Variants in NTM observed in about 807,000 individuals in gnomAD.
NTM encodes the protein neurotrimin.
NTM carries 13 observed loss-of-function variants against 42.1 expected under a neutral mutation model. The observed-to-expected ratio is 0.31, with a 90% confidence interval of 0.20 to 0.49. NTM has a LOEUF of 0.49. Among genes scored for constraint, NTM ranks in the 20% least tolerant of loss-of-function variants. The pLI is 0.99. For synonymous variants in NTM, 187 were observed against 179.2 expected, an observed-to-expected ratio of 1.04 and a Z score of -0.35; for missense variants, 373 against 452.8, an observed-to-expected ratio of 0.82 and a Z score of 1.60.
intron 1 of NTM, among the ~76,000 whole-genome samples, chr11:131,737,982 G>A (rs1417126387): frequency 3.9e-5 from 6 of 152,278 alleles, no homozygotes; most frequent in African/African-American, 1.4e-4. Context: ...GGCCAAATTT[G>A]TGTTGTCTCC....
intron 2 of NTM, among the ~76,000 whole-genome samples, chr11:131,972,172 C>T (rs2063655980): frequency 6.6e-6 from 1 of 151,854 alleles, no homozygotes; most frequent in African/African-American, 2.4e-5. Flanking sequence ...GTGATTGCAC[C>T]ACTGCACTTC....
intron 4 of NTM, among the ~76,000 whole-genome samples, chr11:132,271,127 T>A (rs969544404): frequency 6.6e-6 from 1 of 152,222 alleles, no homozygotes; most frequent in African/African-American, 2.4e-5. Flanking sequence ...TACTTTCTTT[T>A]TCTATAAAAT....
chr11:132,075,724 T>C (rs1391744516), intron 2 of NTM, among the ~76,000 whole-genome samples: 1 of 152,168 alleles, frequency 6.6e-6, no homozygotes, highest in Non-Finnish European at 1.5e-5. Context: ...CATAGCCTCT[T>C]CCCAGAAAGG....
At chr11:132,107,743 C>T (rs765751378) in intron 2 of NTM, among the ~76,000 whole-genome samples, 13 of 152,196 alleles carry the variant, frequency 8.5e-5, no homozygotes, top group Middle Eastern at 3.4e-3. Context: ...ATGATATGTT[C>T]TCATTGTTCC....
intron 1 of NTM, among the ~76,000 whole-genome samples, chr11:131,843,997 T>G (rs2044614315): frequency 7.1e-6 from 1 of 141,044 alleles, no homozygotes; most frequent in African/African-American, 3.2e-5. Context: ...TGATGTCTTC[T>G]TTTTTTTGTA....
At chr11:131,495,377 G>A (rs1955230937) in intron 1 of NTM, among the ~76,000 whole-genome samples, 1 of 152,200 alleles carries the variant, frequency 6.6e-6, no homozygotes, top group Non-Finnish European at 1.5e-5. Flanking sequence ...TCTGTTGAAT[G>A]CACACGTCCT....
intron 3 of NTM, among the ~76,000 whole-genome samples, chr11:132,173,041 C>T (rs945361639): frequency 1.3e-5 from 2 of 152,144 alleles, no homozygotes; most frequent in African/African-American, 4.8e-5. Flanking sequence ...GGATTTTTGG[C>T]CACAATTCAT....
intron 1 of NTM, among the ~76,000 whole-genome samples, chr11:131,791,029 A>T (rs2090856323): frequency 6.6e-6 from 1 of 152,206 alleles, no homozygotes; most frequent in South Asian, 2.1e-4. Context: ...ACCCTGTGTT[A>T]TGGGTGTTAT....
chr11:132,174,856 G>A (rs1324250010), intron 3 of NTM, among the ~76,000 whole-genome samples: 2 of 152,058 alleles, frequency 1.3e-5, no homozygotes, highest in Admixed American at 1.3e-4. Context: ...GATTATTGTT[G>A]CTCTGGAGAG....
chr11:131,396,813 A>G (rs1200351596), intron 1 of NTM, among the ~76,000 whole-genome samples: 1 of 151,736 alleles, frequency 6.6e-6, no homozygotes, highest in Non-Finnish European at 1.5e-5. Flanking sequence ...CAGCCCGGGC[A>G]ACAGAGTGAA....
chr11:131,776,937 T>A (rs1161934863), intron 1 of NTM: 1 of 154,616 alleles, frequency 6.5e-6, no homozygotes, highest in African/African-American at 2.4e-5. Context: ...TAGAACTTAG[T>A]AAAGGCTATA....
intron 1 of NTM, among the ~76,000 whole-genome samples, chr11:131,625,271 G>T (rs1434565226): frequency 6.6e-6 from 1 of 152,116 alleles, no homozygotes; most frequent in Non-Finnish European, 1.5e-5. Flanking sequence ...GATGTGGGGG[G>T]CCACCCTGAT....
intron 2 of NTM, among the ~76,000 whole-genome samples, chr11:132,029,411 G>A (rs900744077): frequency 7.3e-6 from 1 of 136,224 alleles, no homozygotes; most frequent in Admixed American, 8.7e-5. Context: ...TCATTGTTCA[G>A]TTCCCACCTA....
At chr11:132,187,499 A>T (rs1253396457) in intron 3 of NTM, among the ~76,000 whole-genome samples, 1 of 152,144 alleles carries the variant, frequency 6.6e-6, no homozygotes, top group Non-Finnish European at 1.5e-5. Flanking sequence ...AGATTAATGC[A>T]TTCATTCCTA....
At chr11:131,797,793 G>T (rs768767366) in intron 1 of NTM, among the ~76,000 whole-genome samples, 6 of 152,090 alleles carry the variant, frequency 3.9e-5, no homozygotes, top group Non-Finnish European at 8.8e-5. Flanking sequence ...CAGATATTAA[G>T]TAATTATTGG....
chr11:132,196,601 T>C (rs1462973236), intron 3 of NTM, among the ~76,000 whole-genome samples: 2 of 152,184 alleles, frequency 1.3e-5, no homozygotes, highest in Non-Finnish European at 1.5e-5. Flanking sequence ...CATGGAATAC[T>C]ACACATCCGT....
At chr11:131,919,115 C>CTTTT (rs11395451) in intron 2 of NTM, among the ~76,000 whole-genome samples, 20 of 145,892 alleles carry the variant, frequency 1.4e-4, no homozygotes, top group African/African-American at 5.0e-4. Context: ...AAAACGCTTC[C>CTTTT]TTTTTTTTTT....
At chr11:131,513,043 G>T (rs1056854083) in intron 1 of NTM, among the ~76,000 whole-genome samples, 3 of 152,040 alleles carry the variant, frequency 2.0e-5, no homozygotes, top group Admixed American at 1.3e-4. Context: ...GTTTTGCTCC[G>T]TGACTGGATC....
chr11:131,873,530 G>A (rs932279155), intron 1 of NTM, among the ~76,000 whole-genome samples: 6 of 135,880 alleles, frequency 4.4e-5, no homozygotes, highest in African/African-American at 1.9e-4. Flanking sequence ...AAGTGTGTGT[G>A]TGTGTGTGTA....
Sources: gnomAD v4.1 joint callset for allele counts (sites outside exome capture counted in the v4.1 genomes callset) on GRCh38, gnomAD v4.1.1 for gene constraint, MANE v1.5 for transcripts, NCBI Gene and HGNC (gene_info 2026-07-23, HGNC 2026-07-21) for gene names.